Variants in LRRC61 observed in about 807,000 individuals in gnomAD.
The protein encoded by LRRC61 is leucine-rich repeat-containing protein 61.
A neutral mutation model predicts 15.1 loss-of-function variants in LRRC61; 9 were observed. That is an observed-to-expected ratio of 0.60 (90% CI 0.36 to 1.04). The LOEUF is 1.04. LRRC61 is among the 50% of genes least tolerant of loss of function. The pLI, the probability that LRRC61 is intolerant of heterozygous loss-of-function variation, is 0.01. For synonymous variants in LRRC61, 173 were observed against 158.6 expected, an observed-to-expected ratio of 1.09 and a Z score of -0.68; for missense variants, 344 against 335.6, an observed-to-expected ratio of 1.03 and a Z score of -0.20.
At chr7:150,319,093 C>T (rs2129617544), upstream of LRRC61, among the ~76,000 whole-genome samples, 1 of 152,200 alleles carries the variant, frequency 6.6e-6, no homozygotes, top group South Asian at 2.1e-4. Flanking sequence ...CAAGTCTTGT[C>T]AATTTAGGCA....
chr7:150,312,161 A>G, the LRRC61 span, among the ~76,000 whole-genome samples: 5 of 152,178 alleles, frequency 3.3e-5, no homozygotes, highest in Non-Finnish European at 7.4e-5. Context: ...CCCCCACTCC[A>G]GAAGGCCAGT....
chr7:150,332,384 G>A (rs1039908581), intron 2 of LRRC61: 6 of 167,152 alleles, frequency 3.6e-5, no homozygotes, highest in Admixed American at 1.3e-4. Context: ...GAAGGCTCCA[G>A]GCCTAACTTG....
the LRRC61 span, among the ~76,000 whole-genome samples, chr7:150,315,385 G>GTTGT: frequency 6.6e-6 from 1 of 152,148 alleles, no homozygotes; most frequent in African/African-American, 2.4e-5. Context: ...TGCAGCCGAA[G>GTTGT]ATGCTAGCAA....
chr7:150,334,205 T>TA, intron 2 of LRRC61: 1 of 769,776 alleles, frequency 1.3e-6, no homozygotes, highest in Non-Finnish European at 1.6e-6. Flanking sequence ...GGCATTCACT[T>TA]AACCTCTGCA....
In LRRC61 at chr7:150,330,976, G is replaced by A; in HGVS notation, c.-145+4966G>A. On this transcript the variant is annotated intron_variant, in intron 2 of 2. Coordinates refer to ENST00000359623, the MANE Select transcript of LRRC61 (RefSeq NM_001142928.2). The surrounding 1 kb of genome is among the most constrained non-coding windows in gnomAD (Gnocchi z 4.6). ...GGCTCGCTGTCCACCAAGAGCCACT[G>A]GGCCAGCATCATTGTCAAGAAGTAT... The A allele has an allele frequency of 6.2e-7, 1 of 1,612,008 alleles. No individual in the cohort carries two copies. Among genetic ancestry groups the A allele is most frequent in the East Asian group, 2.2e-5 (1 of 44,878 alleles).
chr7:150,331,278 G>C, intron 2 of LRRC61: 1 of 692,580 alleles, frequency 1.4e-6, no homozygotes, highest in Non-Finnish European at 2.4e-6. Context: ...TGGCCAAGGG[G>C]ATACAGACCC....
In LRRC61 at chr7:150,331,157, A is replaced by G. The variant is rs775611356; in HGVS notation, c.-145+5147A>G. The G allele has an allele frequency of 6.5e-6, 10 of 1,543,116 alleles. No homozygotes were observed. The African/African-American group carries it at 1.4e-4, about 21-fold the overall frequency. On this transcript the variant is annotated intron_variant, in intron 2 of 2. Coordinates refer to ENST00000359623, the MANE Select transcript of LRRC61 (RefSeq NM_001142928.2). ...CTGAACAGCCCCACCCTTGTAGAGC[A>G]AAACTCTTCTCTCAAGGTGGAAGCC... is the stretch of plus-strand genomic sequence containing the variant.
the LRRC61 span, among the ~76,000 whole-genome samples, chr7:150,316,658 G>T: frequency 1.3e-5 from 2 of 151,928 alleles, no homozygotes; most frequent in East Asian, 3.9e-4. Context: ...GCTAATTTTT[G>T]TATTTTTAGT....
chr7:150,327,633 A>G (rs1380019023), intron 2 of LRRC61, among the ~76,000 whole-genome samples: 1 of 152,096 alleles, frequency 6.6e-6, no homozygotes, highest in Non-Finnish European at 1.5e-5. Flanking sequence ...AGCCTGGGCA[A>G]CATAGTGAGA....
In LRRC61 at chr7:150,337,476, G is replaced by T; in HGVS notation, c.615G>T (p.Trp205Cys). The change falls in exon 3 of 3, where the codon TGG becomes TGT. Residue 205 changes from tryptophan to cysteine, a missense_variant. By Grantham distance (215) the Trp-to-Cys change is radical (BLOSUM62 -2). Coordinates refer to ENST00000359623, the MANE Select transcript of LRRC61 (RefSeq NM_001142928.2). ...AGCCCTGGGTGGAGCCAGGCTACTGGGAGTCCTGGCCCAGCCGGAGCAGCT... is the reference window on the plus strand; with the variant it reads ...AGCCCTGGGTGGAGCCAGGCTACTGTGAGTCCTGGCCCAGCCGGAGCAGCT... ...EAQPWVEPGYWESWPSRSSSI... is the reference protein window; with the variant it reads ...EAQPWVEPGYCESWPSRSSSI... 6.2e-7 allele frequency: 1 copy of T among 1,603,252 alleles called. No homozygotes were observed.
At chr7:150,327,360 C>A (rs1185753757) in intron 2 of LRRC61, among the ~76,000 whole-genome samples, 2 of 152,148 alleles carry the variant, frequency 1.3e-5, no homozygotes, top group Admixed American at 6.5e-5. Context: ...TGGTCTCCTG[C>A]AGTTCAGGAC....
chr7:150,332,092 G>C (rs1301301637), intron 2 of LRRC61: 1 of 167,118 alleles, frequency 6.0e-6, no homozygotes, highest in Non-Finnish European at 1.5e-5. Context: ...TGCACACCCT[G>C]CCTGCCATCA....
At chr7:150,315,928 T>G in the LRRC61 span, among the ~76,000 whole-genome samples, 3 of 152,188 alleles carry the variant, frequency 2.0e-5, no homozygotes, top group African/African-American at 7.2e-5. Context: ...CCGGCCGCGG[T>G]GGCTCACGCC....
At chr7:150,324,690 C>A (rs954233134) in intron 1 of LRRC61, among the ~76,000 whole-genome samples, 12 of 152,170 alleles carry the variant, frequency 7.9e-5, no homozygotes, top group Non-Finnish European at 1.5e-4. Flanking sequence ...CCAATCCCTT[C>A]CACCGCCTGT....
chr7:150,323,243 G>A, upstream of LRRC61: 2 of 239,992 alleles, frequency 8.3e-6, no homozygotes, highest in South Asian at 8.0e-5. Flanking sequence ...GCGAGGCGGG[G>A]GGTGCGCGCG....
At chr7:150,310,322 C>T in the LRRC61 span, among the ~76,000 whole-genome samples, 1 of 152,256 alleles carries the variant, frequency 6.6e-6, no homozygotes, top group Admixed American at 6.5e-5. Flanking sequence ...ATCACCCTTA[C>T]CCTGCTCAAT....
upstream of LRRC61, among the ~76,000 whole-genome samples, chr7:150,318,492 G>C (rs528618752): frequency 6.6e-6 from 1 of 152,294 alleles, no homozygotes; most frequent in South Asian, 2.1e-4. Flanking sequence ...TGCCAGTTGC[G>C]GTGGCTCACG....
At chr7:150,325,436 A>C (rs1481551431) in intron 1 of LRRC61, among the ~76,000 whole-genome samples, 1 of 152,218 alleles carries the variant, frequency 6.6e-6, no homozygotes, top group Non-Finnish European at 1.5e-5. Flanking sequence ...GTAGGCCTCC[A>C]ATGTGTTGTC....
chr7:150,337,536 C>T lies in LRRC61; in HGVS notation c.675C>T (p.Asp225=). The T allele has an allele frequency of 1.2e-6, 2 of 1,604,992 alleles. No individual in the cohort carries two copies. Among genetic ancestry groups the T allele is most frequent in the South Asian group, 1.1e-5 (1 of 90,938 alleles). Residue 225 remains aspartate (D), a synonymous_variant, in exon 3 of 3, where the codon GAC becomes GAT. Coordinates refer to ENST00000359623, the MANE Select transcript of LRRC61 (RefSeq NM_001142928.2). ...ILEEACRQFQ[D]TLQECWDLDR... Reference sequence around the variant, plus strand: ...AGGAGGCCTGCCGGCAGTTCCAGGACACACTGCAGGAGTGCTGGGACCTGG... The same window carrying T: ...AGGAGGCCTGCCGGCAGTTCCAGGATACACTGCAGGAGTGCTGGGACCTGG...
Sources: gnomAD v4.1 joint callset for allele counts (sites outside exome capture counted in the v4.1 genomes callset) on GRCh38, gnomAD v4.1.1 for gene constraint, Gnocchi (gnomAD v3.1) non-coding constraint, MANE v1.5 for transcripts, NCBI Gene and HGNC (gene_info 2026-07-23, HGNC 2026-07-21) for gene names.